PDS5A: variants seen among roughly 807,000 people sequenced by gnomAD.
PDS5A encodes the protein PDS5 cohesin associated factor A.
In PDS5A, 42 loss-of-function variants were observed where a neutral mutation model predicts 167.1. That is an observed-to-expected ratio of 0.25 (90% CI 0.20 to 0.33). PDS5A has a LOEUF of 0.33. Among genes scored for constraint, PDS5A ranks in the 10% least tolerant of loss-of-function variants. PDS5A has a pLI of 1.00. For missense variants in PDS5A, 1,033 were observed against 1,605.9 expected (o/e 0.64, Z 6.10); for synonymous variants, 553 against 554.6 (o/e 1.00, Z 0.04).
intron 21 of PDS5A, among the ~76,000 whole-genome samples, chr4:39,872,172 CTTTTTTTT>C (rs35032799): frequency 2.1e-5 from 2 of 95,488 alleles, no homozygotes; most frequent in Non-Finnish European, 4.5e-5. Flanking sequence ...AGTCCACTTA[CTTTTTTTT>C]TTTTTTTTTT....
In PDS5A at chr4:39,977,603, T is replaced by TGGGGCTGGCGGTGCC. The variant is rs1731246599; in HGVS notation, c.-202_-188dup. On this transcript the variant is annotated 5_prime_UTR_variant, in exon 1 of 33. Coordinates refer to ENST00000303538, the MANE Select transcript of PDS5A (RefSeq NM_001100399.2). The surrounding 1 kb of genome is among the most constrained non-coding windows in gnomAD (Gnocchi z 4.2). Reference sequence around the variant, plus strand: ...CCGCCCGCCCGCCCGGGAGCGGCGCTGGGGCTGGCGGTGCCGAGGAGGAGC... The same window carrying TGGGGCTGGCGGTGCC: ...CCGCCCGCCCGCCCGGGAGCGGCGCTGGGGCTGGCGGTGCCGGGGCTGGCGGTGCCGAGGAGGAGC... 6.3e-6 allele frequency: 1 copy of TGGGGCTGGCGGTGCC among 158,964 alleles called. No individual in the cohort carries two copies. Among genetic ancestry groups the TGGGGCTGGCGGTGCC allele is most frequent in the Non-Finnish European group, 1.3e-5 (1 of 74,466 alleles). 9.8% of individuals were successfully genotyped at this position (158,964 alleles called of 1,614,324 possible).
chr4:39,958,035 A>G (rs1374447180), intron 2 of PDS5A, among the ~76,000 whole-genome samples: 2 of 151,802 alleles, frequency 1.3e-5, no homozygotes, highest in African/African-American at 4.8e-5. Context: ...GGACTACAGG[A>G]GCACACCACC....
At chr4:39,968,532 A>G in intron 2 of PDS5A, among the ~76,000 whole-genome samples, 1 of 151,342 alleles carries the variant, frequency 6.6e-6, no homozygotes, top group East Asian at 1.9e-4. Flanking sequence ...TCCTGGGTTC[A>G]AGCGATTCTC....
At position 39,877,272 on chromosome 4, in the gene PDS5A, G is replaced by C. The variant is rs1263337499; in HGVS notation, c.1993-119C>G. 4 of 550,156 alleles carry C rather than the reference G, an allele frequency of 7.3e-6. No individual in the cohort carries two copies. In the African/African-American group the frequency reaches 7.8e-5, roughly 11 times the overall value. 34.1% of individuals were successfully genotyped at this position (550,156 alleles called of 1,614,324 possible). A position where few individuals can be genotyped will look rare whatever the true frequency, so the allele number is the denominator to read the frequency against. ...CTGGGGTAAATATGCTAGCTACACA[G>C]AATAGAGATACATCTCCTAGCCGTC... On this transcript the variant is annotated intron_variant, in intron 18 of 32. Coordinates refer to ENST00000303538, the MANE Select transcript of PDS5A (RefSeq NM_001100399.2).
chr4:39,920,408 TAATA>T lies in PDS5A; in HGVS notation c.655-13_655-10del, dbSNP rs1560484566. On this transcript the variant is annotated splice_polypyrimidine_tract_variant and intron_variant, in intron 6 of 32. Coordinates refer to ENST00000303538, the MANE Select transcript of PDS5A (RefSeq NM_001100399.2). ...GACTGTTTATTTAAGTTCTGAAAAA[TAATA>T]AAAACATGGAAAGTTACAAATAAAT... 2 of 1,316,014 alleles carry T rather than the reference TAATA, an allele frequency of 1.5e-6. No individual in the cohort carries two copies. Among genetic ancestry groups the T allele is most frequent in the Admixed American group, 3.7e-5 (2 of 54,026 alleles). The allele number at this position is 1,316,014 out of a possible 1,614,324, so 81.5% of individuals were successfully genotyped here. A position where few individuals can be genotyped will look rare whatever the true frequency, so the allele number is the denominator to read the frequency against.
chr4:39,862,165 T>C, intron 26 of PDS5A, 54 bp downstream of exon 26: 1 of 652,138 alleles, frequency 1.5e-6, no homozygotes, highest in Non-Finnish European at 2.5e-6. Flanking sequence ...AAATTTACCA[T>C]TTTTTGAAAA....
intron 26 of PDS5A, among the ~76,000 whole-genome samples, chr4:39,852,475 T>C (rs775962513): frequency 1.3e-5 from 2 of 152,116 alleles, no homozygotes; most frequent in Non-Finnish European, 2.9e-5. Flanking sequence ...CTGAACTCTC[T>C]AGAATATACT....
chr4:39,956,817 C>T (rs986592425), intron 2 of PDS5A, among the ~76,000 whole-genome samples: 15 of 151,978 alleles, frequency 9.9e-5, no homozygotes, highest in African/African-American at 2.7e-4. Flanking sequence ...GGACTATAGG[C>T]GCCTGCACCA....
intron 30 of PDS5A, among the ~76,000 whole-genome samples, chr4:39,842,993 C>A (rs1410497436): frequency 7.1e-6 from 1 of 140,010 alleles, no homozygotes; most frequent in Non-Finnish European, 1.5e-5. Flanking sequence ...GCTGATATAG[C>A]CTAGAACTCC....
At position 39,862,978 on chromosome 4, in the gene PDS5A, G is replaced by A; in HGVS notation, c.2862C>T (p.Ala954=). The A allele has an allele frequency of 1.2e-6, 2 of 1,613,504 alleles. No homozygotes were observed. The highest frequency in any genetic ancestry group is 1.7e-6 in the Non-Finnish European group (2 of 1,179,588). ...LLPLEYMAIF[A]LCAKDPVKER... ...CCTTCACAGGATCTTTGGCACACAA[G>A]GCAAAGATCGCCATATACTCCAATG... is the stretch of plus-strand genomic sequence containing the variant. Residue 954 remains alanine, a synonymous_variant, in exon 25 of 33, where the codon GCC becomes GCT. Transcript: ENST00000303538.
chr4:39,828,340 A>G (rs1578556643), intron 32 of PDS5A, among the ~76,000 whole-genome samples: 1 of 152,254 alleles, frequency 6.6e-6, no homozygotes. Context: ...AGAATTTTGC[A>G]TATCTTCCTC....
At chr4:39,900,566 T>C (rs1016066244) in intron 13 of PDS5A, 59 bp from the exon 14 acceptor site, 7 of 1,105,722 alleles carry the variant, frequency 6.3e-6, no homozygotes, top group Non-Finnish European at 8.1e-6. Context: ...ATTATTCAGC[T>C]TTACAACCTT....
At chr4:39,976,749 C>G (rs1731128038) in intron 1 of PDS5A, 132 bp from the exon 2 acceptor site, 3 of 482,478 alleles carry the variant, frequency 6.2e-6, no homozygotes, top group South Asian at 3.9e-5. Flanking sequence ...GCCTCGCCAC[C>G]CGCTCTTTCC....
intron 18 of PDS5A, among the ~76,000 whole-genome samples, chr4:39,879,018 A>G (rs998385591): frequency 2.6e-5 from 4 of 152,238 alleles, no homozygotes; most frequent in African/African-American, 9.6e-5. Context: ...CTGGGGTTAC[A>G]GGCATGAGCT....
At chr4:39,871,443 GTTC>G (rs1560442842) in intron 21 of PDS5A, among the ~76,000 whole-genome samples, 1 of 152,110 alleles carries the variant, frequency 6.6e-6, no homozygotes, top group East Asian at 1.9e-4. Flanking sequence ...CTTAGGCCAC[GTTC>G]TTCTCTTCTT....
intron 19 of PDS5A, among the ~76,000 whole-genome samples, chr4:39,876,116 C>G (rs978353865): frequency 3.9e-5 from 6 of 151,994 alleles, no homozygotes; most frequent in African/African-American, 1.4e-4. Flanking sequence ...GGGTAGAATT[C>G]CTCTAAGAAT....
intron 2 of PDS5A, among the ~76,000 whole-genome samples, chr4:39,946,130 C>T (rs1273247896): frequency 6.6e-6 from 1 of 150,994 alleles, no homozygotes; most frequent in Admixed American, 6.6e-5. Flanking sequence ...TCGCTTGAAC[C>T]CAGGAGGCAG....
chr4:39,972,228 T>G (rs892013091), intron 2 of PDS5A, among the ~76,000 whole-genome samples: 2 of 152,064 alleles, frequency 1.3e-5, no homozygotes, highest in African/African-American at 4.8e-5. Context: ...AAAATAATAT[T>G]GAGACACGGT....
chr4:39,900,426 T>G lies in PDS5A; in HGVS notation c.1581A>C (p.Thr527=). The G allele has an allele frequency of 3.2e-6, 5 of 1,560,722 alleles. No homozygotes were observed. The highest frequency in any genetic ancestry group is 4.4e-6 in the Non-Finnish European group (5 of 1,145,976). ...RELLDLHKQP[T]SEANCSAMFG... is the part of the protein sequence containing the mutation. The stretch of plus-strand genomic sequence containing the variant: ...GAATTTAAACAAATCATGAACCTAC[T>G]GTAGGCTGCTTGTGCAAATCCAATA... The change falls in exon 14 of 33, where the codon ACA becomes ACC. Residue 527 remains threonine, a splice_region_variant and synonymous_variant. Coordinates refer to ENST00000303538, the MANE Select transcript of PDS5A (RefSeq NM_001100399.2).
Sources: allele counts gnomAD v4.1 joint callset (sites outside exome capture counted in the v4.1 genomes callset), GRCh38; gene constraint gnomAD v4.1.1; non-coding constraint Gnocchi (gnomAD v3.1); transcripts MANE v1.5; gene names NCBI Gene and HGNC (gene_info 2026-07-23, HGNC 2026-07-21).